The following FRMPD4 variants were observed in gnomAD, a reference collection of about 807,000 sequenced individuals.
FRMPD4 encodes FERM and PDZ domain containing 4.
Under a neutral mutation model 94.1 loss-of-function variants are expected in FRMPD4, and 22 were observed. The ratio of observed to expected loss-of-function variants is 0.23; its 90% CI spans 0.17 to 0.33. FRMPD4 has a LOEUF of 0.33. FRMPD4 is among the 10% of genes least tolerant of loss of function. The pLI is 1.00. For synonymous variants in FRMPD4, 631 were observed against 548.6 expected (o/e 1.15, Z -2.10); for missense variants, 1,111 against 1,339.9 (o/e 0.83, Z 2.67).
rs781357672 is a variant in FRMPD4, at chrX:11,843,288, TC to T, written c.-161+20574del. ...GTGTATATGGTATTTTGGCCGCTTC[TC>T]TGTAGTCTGGAAGAGTTTGTGAAGG... On this transcript the variant is annotated intron_variant, in intron 1 of 18. Transcript: ENST00000640291. 4.4e-3 allele frequency among the ~76,000 whole-genome samples: 487 copies of T among 111,686 alleles called. 2 individuals carry two copies. Among genetic ancestry groups the T allele is most frequent in the African/African-American group, 0.013 (403 of 30,800 alleles).
At chrX:12,096,845 C>T (rs1197993208) in intron 3 of FRMPD4, among the ~76,000 whole-genome samples, 1 of 111,436 alleles carries the variant, frequency 9.0e-6, no homozygotes, top group Non-Finnish European at 1.9e-5. Flanking sequence ...TATGATCATG[C>T]CACTGCACTC....
chrX:12,008,176 C>T (rs1037828846), intron 3 of FRMPD4, among the ~76,000 whole-genome samples: 2 of 112,304 alleles, frequency 1.8e-5, no homozygotes, highest in South Asian at 3.8e-4. Context: ...ACTGCTCCAA[C>T]ACCCTGTATG....
chrX:12,599,784 A>AT (rs958355576), intron 2 of FRMPD4, among the ~76,000 whole-genome samples: 18 of 110,562 alleles, frequency 1.6e-4, no homozygotes, highest in East Asian at 5.6e-4. Flanking sequence ...AAATCCTTAC[A>AT]TTTTTTTTGC....
At chrX:12,247,645 C>T (rs375082352) in intron 1 of FRMPD4, among the ~76,000 whole-genome samples, 2 of 111,701 alleles carry the variant, frequency 1.8e-5, no homozygotes, top group South Asian at 3.8e-4. Context: ...CTTTGGCCTC[C>T]AAAAGTGCTG....
chrX:12,017,637 G>T, intron 3 of FRMPD4, among the ~76,000 whole-genome samples: 1 of 111,723 alleles, frequency 9.0e-6, no homozygotes, highest in Non-Finnish European at 1.9e-5. Flanking sequence ...TTTGTAATTT[G>T]TCTCCTATTG....
chrX:12,631,947 A>G (rs998502508), intron 4 of FRMPD4, among the ~76,000 whole-genome samples: 2 of 112,095 alleles, frequency 1.8e-5, no homozygotes, highest in Non-Finnish European at 3.8e-5. Flanking sequence ...CAGATCATAT[A>G]CCCAGCATAA....
chrX:12,336,180 G>A (rs183074182), intron 1 of FRMPD4, among the ~76,000 whole-genome samples: 178 of 111,687 alleles, frequency 1.6e-3, no homozygotes, highest in African/African-American at 5.5e-3. Context: ...GATACCATAA[G>A]GACTTGCTTT....
intron 3 of FRMPD4, among the ~76,000 whole-genome samples, chrX:11,904,044 G>A (rs976933254): frequency 1.8e-5 from 2 of 111,770 alleles, no homozygotes; most frequent in African/African-American, 6.5e-5. Context: ...GCCTCGCAAA[G>A]TGCTGGGATT....
intron 1 of FRMPD4, among the ~76,000 whole-genome samples, chrX:12,349,683 A>C (rs143764849): frequency 1.2e-3 from 133 of 112,147 alleles, no homozygotes; most frequent in African/African-American, 4.2e-3. Context: ...TCAAAGGTCT[A>C]ACCAATCATG....
intron 3 of FRMPD4, among the ~76,000 whole-genome samples, chrX:12,028,034 T>A (rs1286259594): frequency 8.9e-6 from 1 of 112,199 alleles, no homozygotes; most frequent in Non-Finnish European, 1.9e-5. Flanking sequence ...ATTAGTGGCT[T>A]AAAAAACATG....
chrX:12,205,078 G>C (rs2147727365), intron 1 of FRMPD4, among the ~76,000 whole-genome samples: 1 of 90,015 alleles, frequency 1.1e-5, no homozygotes, highest in Non-Finnish European at 2.1e-5. Context: ...CAAAATCAGA[G>C]CTAATCAAAT....
chrX:11,836,072 A>G lies in FRMPD4; in HGVS notation c.-161+13357A>G, dbSNP rs895852296. On this transcript the variant is annotated intron_variant, in intron 1 of 18. Coordinates refer to the FRMPD4 transcript ENST00000640291. Reference sequence around the variant, plus strand: ...ATATCATTGCGAGAGGAGGGAACACAGTCCTTTCTGGTGTGAGGGAGGGAA... The same window carrying G: ...ATATCATTGCGAGAGGAGGGAACACGGTCCTTTCTGGTGTGAGGGAGGGAA... Among the ~76,000 whole-genome samples, 8 of 111,511 alleles carry G rather than the reference A, an allele frequency of 7.2e-5. No individual in the cohort carries two copies. In the South Asian group the frequency reaches 1.5e-3, roughly 21 times the overall value.
chrX:12,526,156 G>A (rs973022523), intron 2 of FRMPD4, among the ~76,000 whole-genome samples: 63 of 112,176 alleles, frequency 5.6e-4, no homozygotes, highest in African/African-American at 2.0e-3. Context: ...ACTGATTAGC[G>A]GTTCCCACAA....
intron 3 of FRMPD4, among the ~76,000 whole-genome samples, chrX:11,965,960 C>A (rs950357488): frequency 1.8e-5 from 2 of 111,412 alleles, no homozygotes; most frequent in Non-Finnish European, 3.8e-5. Flanking sequence ...GCTTCCTGAA[C>A]TCCTATTTTA....
chrX:12,275,567 C>T (rs1027715011), intron 1 of FRMPD4, among the ~76,000 whole-genome samples: 1 of 108,880 alleles, frequency 9.2e-6, no homozygotes, highest in African/African-American at 3.4e-5. Flanking sequence ...TGATGGGTGA[C>T]ATTCGAAGGT....
intron 1 of FRMPD4, among the ~76,000 whole-genome samples, chrX:12,299,818 C>T (rs747281601): frequency 2.7e-5 from 3 of 111,741 alleles, no homozygotes; most frequent in Non-Finnish European, 5.6e-5. Flanking sequence ...AATAAAATAC[C>T]GTGGGAACAC....
rs200271818 is a variant in FRMPD4, at chrX:12,716,095, C to T, written c.1636C>T (p.Leu546Phe). The change falls in exon 15 of 17, where the codon CTC becomes TTC. Residue 546 changes from leucine to phenylalanine, a missense_variant. By Grantham distance (22) the Leu-to-Phe change is conservative (BLOSUM62 0). Around this residue, in one of 8 missense-constraint regions of FRMPD4, gnomAD observed 192 missense variants for 192.5 expected, o/e 1.00. Transcript: ENST00000675598. ...ACCTGAAAACAAGGGGAAGCATAACCTCCTTGGCCCAGATTGGAACTGTAT... is the reference window on the plus strand; with the variant it reads ...ACCTGAAAACAAGGGGAAGCATAACTTCCTTGGCCCAGATTGGAACTGTAT... Reference protein sequence around the residue: ...TGPENKGKHNLLGPDWNCIPQ... With the variant: ...TGPENKGKHNFLGPDWNCIPQ... 31 of 1,065,004 alleles carry T rather than the reference C, an allele frequency of 2.9e-5. No individual in the cohort carries two copies. In the East Asian group the frequency reaches 1.2e-3, roughly 41 times the overall value. The allele number at this position is 1,065,004 out of a possible 1,213,427, so 87.8% of individuals were successfully genotyped here. A position where few individuals can be genotyped will look rare whatever the true frequency, so the allele number is the denominator to read the frequency against.
At chrX:12,348,572 G>A (rs2055750879) in intron 1 of FRMPD4, among the ~76,000 whole-genome samples, 1 of 90,486 alleles carries the variant, frequency 1.1e-5, no homozygotes, top group Non-Finnish European at 2.1e-5. Context: ...AGCAAATGCT[G>A]AAGGAAATGC....
chrX:11,906,618 T>C (rs1307170574), intron 3 of FRMPD4, among the ~76,000 whole-genome samples: 1 of 111,296 alleles, frequency 9.0e-6, no homozygotes, highest in Non-Finnish European at 1.9e-5. Context: ...TAATGAGTTG[T>C]TTTTCTCTTG....
Sources: gnomAD v4.1 joint callset for allele counts (sites outside exome capture counted in the v4.1 genomes callset) on GRCh38, gnomAD v4.1.1 for gene constraint, gnomAD v4.1.1 regional missense constraint, MANE v1.5 for transcripts, NCBI Gene and HGNC (gene_info 2026-07-23, HGNC 2026-07-21) for gene names.